Variants in DAOA observed in about 807,000 individuals in gnomAD.
DAOA encodes D-amino acid oxidase regulator.
Under a neutral mutation model 16.4 loss-of-function variants are expected in DAOA, and 15 were observed. That is an observed-to-expected ratio of 0.91 (90% confidence interval 0.61 to 1.41). DAOA has a LOEUF of 1.41. Ranked by LOEUF, DAOA falls within the 40% of genes most tolerant of loss-of-function variation. The pLI is 0.00. For synonymous variants in DAOA, 75 were observed against 59.1 expected, an observed-to-expected ratio of 1.27 and a Z score of -1.23; for missense variants, 230 against 176.8, an observed-to-expected ratio of 1.30 and a Z score of -1.71.
chr13:105,480,017 C>T (rs1168128752), intron 4 of DAOA, among the ~76,000 whole-genome samples: 2 of 152,066 alleles, frequency 1.3e-5, no homozygotes, highest in Non-Finnish European at 2.9e-5. Context: ...TTATAAACTC[C>T]TTTATCTAAA....
chr13:105,490,091 C>T lies in DAOA; in HGVS notation c.*10C>T. 2.6e-6 allele frequency: 4 copies of T among 1,546,372 alleles called. No individual in the cohort carries two copies. Among genetic ancestry groups the T allele is most frequent in the Non-Finnish European group, 3.5e-6 (4 of 1,143,228 alleles). On this transcript the variant is annotated 3_prime_UTR_variant, in exon 5 of 6. Transcript: ENST00000375936. ...TACCAAAGCTGAATGAGTTTGGAAG[C>T]AGATTCTTCCCAGCCAATCCTTCTG...
chr13:105,486,806 G>A (rs1878143391), intron 4 of DAOA, among the ~76,000 whole-genome samples: 1 of 151,942 alleles, frequency 6.6e-6, no homozygotes, highest in Admixed American at 6.6e-5. Flanking sequence ...TTTTACTAAA[G>A]ATGAGGTTTC....
intron 4 of DAOA, among the ~76,000 whole-genome samples, chr13:105,487,391 C>T (rs1352414015): frequency 6.6e-6 from 1 of 152,022 alleles, no homozygotes; most frequent in Non-Finnish European, 1.5e-5. Context: ...TGTGATTTAT[C>T]CTGTATCTTT....
intron 3 of DAOA, chr13:105,467,559 ATCTGTCAACGTTTAAT>A (rs1876608516): frequency 6.6e-6 from 1 of 152,120 alleles, no homozygotes; most frequent in Non-Finnish European, 1.5e-5. Flanking sequence ...TCACTTAATA[ATCTGTCAACGTTTAAT>A]TCTTTTTCTT....
intron 4 of DAOA, chr13:105,477,182 A>G (rs72549484): frequency 1.7e-4 from 26 of 152,166 alleles, no homozygotes; most frequent in Non-Finnish European, 3.8e-4. Context: ...AATGAAAACC[A>G]TCCTGCTACC....
chr13:105,466,866 T>G (rs1323976799), intron 2 of DAOA, 187 bp from the exon 3 acceptor site: 9 of 732,096 alleles, frequency 1.2e-5, no homozygotes, highest in Non-Finnish European at 1.7e-5. Flanking sequence ...AAAAAAAAAA[T>G]GCAAACCTCA....
intron 4 of DAOA, among the ~76,000 whole-genome samples, chr13:105,478,242 C>A (rs1415327843): frequency 6.6e-6 from 1 of 152,006 alleles, no homozygotes; most frequent in Non-Finnish European, 1.5e-5. Flanking sequence ...TCTAAAAAAC[C>A]TTTTCTTCAG....
chr13:105,471,793 G>A (rs1336322745), intron 3 of DAOA, among the ~76,000 whole-genome samples: 1 of 152,124 alleles, frequency 6.6e-6, no homozygotes, highest in Non-Finnish European at 1.5e-5. Context: ...AAAGTCAATT[G>A]CATTTATATC....
intron 4 of DAOA, among the ~76,000 whole-genome samples, chr13:105,474,010 A>G (rs1371944450): frequency 2.0e-5 from 3 of 152,150 alleles, no homozygotes; most frequent in Non-Finnish European, 4.4e-5. Flanking sequence ...TTACCTGGCC[A>G]GAGAGTTAGA....
At chr13:105,469,210 G>A (rs919448131) in intron 3 of DAOA, among the ~76,000 whole-genome samples, 6 of 152,108 alleles carry the variant, frequency 3.9e-5, no homozygotes, top group African/African-American at 1.4e-4. Context: ...TAGCTGGAGG[G>A]CAGAATTTTC....
intron 3 of DAOA, among the ~76,000 whole-genome samples, chr13:105,470,978 T>C (rs1254384845): frequency 1.3e-5 from 2 of 152,068 alleles, no homozygotes; most frequent in Non-Finnish European, 2.9e-5. Context: ...TTAGTACAGA[T>C]GGGGTTTCAT....
At chr13:105,482,107 A>G (rs1877785670) in intron 4 of DAOA, among the ~76,000 whole-genome samples, 1 of 152,098 alleles carries the variant, frequency 6.6e-6, no homozygotes, top group South Asian at 2.1e-4. Context: ...TATCACAAGA[A>G]CAGCACAGGA....
chr13:105,466,872 C>T (rs72549469), intron 2 of DAOA, 181 bp from the exon 3 acceptor site: 2 of 818,438 alleles, frequency 2.4e-6, no homozygotes, highest in Non-Finnish European at 3.3e-6. Context: ...AAAATGCAAA[C>T]CTCAATATCT....
At chr13:105,487,883 C>T (rs937736994) in intron 4 of DAOA, among the ~76,000 whole-genome samples, 1 of 152,102 alleles carries the variant, frequency 6.6e-6, no homozygotes, top group African/African-American at 2.4e-5. Context: ...TGTCAACAGG[C>T]AACATTTAAA....
At chr13:105,473,164 T>TGA (rs984973381) in intron 4 of DAOA, among the ~76,000 whole-genome samples, 1 of 151,428 alleles carries the variant, frequency 6.6e-6, no homozygotes, top group Non-Finnish European at 1.5e-5. Context: ...AGAGTGTGTG[T>TGA]GTGTGTGTGT....
chr13:105,471,880 A>T (rs959088281), intron 3 of DAOA, among the ~76,000 whole-genome samples: 2 of 152,240 alleles, frequency 1.3e-5, no homozygotes, highest in South Asian at 2.1e-4. Context: ...AGACTCTGCT[A>T]GTCAGGTGAT....
chr13:105,482,804 C>A (rs1293552401), intron 4 of DAOA, among the ~76,000 whole-genome samples: 1 of 152,024 alleles, frequency 6.6e-6, no homozygotes, highest in African/African-American at 2.4e-5. Flanking sequence ...CTGCTCCTGG[C>A]CAGTTTTTAA....
intron 3 of DAOA, among the ~76,000 whole-genome samples, chr13:105,468,892 A>C (rs941175139): frequency 3.3e-5 from 5 of 152,216 alleles, no homozygotes. Flanking sequence ...AAGAAGCGAG[A>C]TCTTGGAGCA....
At chr13:105,481,845 C>A (rs572061275) in intron 4 of DAOA, among the ~76,000 whole-genome samples, 3 of 152,288 alleles carry the variant, frequency 2.0e-5, no homozygotes, top group Admixed American at 6.5e-5. Context: ...CCTCTCTTCC[C>A]TTAGAAGACA....
Sources: gnomAD v4.1 joint callset for allele counts (sites outside exome capture counted in the v4.1 genomes callset) on GRCh38, gnomAD v4.1.1 for gene constraint, MANE v1.5 for transcripts, NCBI Gene and HGNC (gene_info 2026-07-23, HGNC 2026-07-21) for gene names.